The following ZNF678 variants were observed in gnomAD, a reference collection of about 807,000 sequenced individuals.
ZNF678 encodes the protein hypothetical protein MGC42493.
Under a neutral mutation model 3.0 loss-of-function variants are expected in ZNF678, and 5 were observed. The ratio of observed to expected loss-of-function variants is 1.69; its 90% confidence interval spans 0.88 to 3.56. The LOEUF (loss-of-function observed/expected upper bound fraction) is 3.56. ZNF678 is among the 30% of genes most tolerant of loss of function. ZNF678 has a pLI of 0.00. For synonymous variants in ZNF678, 218 were observed against 199.6 expected, an observed-to-expected ratio of 1.09 and a Z score of -0.78; for missense variants, 593 against 605.0, an observed-to-expected ratio of 0.98 and a Z score of 0.21.
intron 1 of ZNF678, among the ~76,000 whole-genome samples, chr1:227,569,059 A>G (rs1656769847): frequency 6.6e-6 from 1 of 152,208 alleles, no homozygotes; most frequent in African/African-American, 2.4e-5. Flanking sequence ...GAGTGCAATC[A>G]TAGCTAACTG....
chr1:227,610,153 T>G (rs910401369), intron 1 of ZNF678, among the ~76,000 whole-genome samples: 13 of 152,298 alleles, frequency 8.5e-5, no homozygotes, highest in African/African-American at 3.1e-4. Context: ...TTATTCTACT[T>G]TTTCAAATGG....
chr1:227,583,980 G>GCCCAAGACC (rs1476120781), intron 1 of ZNF678, among the ~76,000 whole-genome samples: 9 of 152,184 alleles, frequency 5.9e-5, no homozygotes, highest in African/African-American at 2.2e-4. Flanking sequence ...TCATATATCT[G>GCCCAAGACC]TTGCTGCCCA....
Position 227,654,347 on chromosome 1 carries a change from T to C in ZNF678, c.97T>C (p.Tyr33His). ...YKLVYTAILS[Y>H]SIQDLLPEQD... ...TTTATTTCTTTCAGCTATTTTATCT[T>C]ATTCCATTCAAGACCTTTTGCCAGA... Residue 33 changes from tyrosine to histidine, a missense_variant, in exon 4 of 4, where the codon TAT becomes CAT. Transcript: ENST00000343776. The C allele has an allele frequency of 6.5e-7, 1 of 1,544,444 alleles. No homozygotes were observed. Among genetic ancestry groups the C allele is most frequent in the Non-Finnish European group, 8.7e-7 (1 of 1,151,254 alleles).
At chr1:227,598,700 A>G (rs942657754) in intron 1 of ZNF678, 26 of 522,838 alleles carry the variant, frequency 5.0e-5, no homozygotes, top group African/African-American at 3.5e-4. Context: ...TTTTTAAACT[A>G]TCCTTACTGT....
chr1:227,666,348 C>A (rs1216136687), downstream of ZNF678, among the ~76,000 whole-genome samples: 1 of 152,116 alleles, frequency 6.6e-6, no homozygotes, highest in East Asian at 1.9e-4. Context: ...ACTAAAGGCC[C>A]CATCCTGGCT....
intron 1 of ZNF678, among the ~76,000 whole-genome samples, chr1:227,610,236 A>G (rs1657982897): frequency 1.3e-5 from 2 of 152,226 alleles, no homozygotes; most frequent in Admixed American, 1.3e-4. Context: ...GAATATTTCC[A>G]GCCCCTATCA....
intron 1 of ZNF678, among the ~76,000 whole-genome samples, chr1:227,639,477 G>T (rs1339022692): frequency 6.6e-6 from 1 of 152,252 alleles, no homozygotes; most frequent in Non-Finnish European, 1.5e-5. Context: ...ATTGGGAGAT[G>T]AACCGAAGGT....
At chr1:227,635,307 C>A (rs536698061) in intron 1 of ZNF678, among the ~76,000 whole-genome samples, 1 of 152,260 alleles carries the variant, frequency 6.6e-6, no homozygotes, top group Non-Finnish European at 1.5e-5. Flanking sequence ...ATACCAATAG[C>A]AAAAGGTAGA....
chr1:227,624,513 A>G (rs903404382), intron 1 of ZNF678, among the ~76,000 whole-genome samples: 7 of 152,132 alleles, frequency 4.6e-5, no homozygotes, highest in Admixed American at 3.9e-4. Context: ...TGCACTGCAG[A>G]TGTTACCGGC....
rs555612080 is a variant in ZNF678, at chr1:227,638,548, C to T, written c.-163-7996C>T. Among the ~76,000 whole-genome samples the T allele has an allele frequency of 4.5e-4, 69 of 152,010 alleles. No individual in the cohort carries two copies. The highest frequency in any genetic ancestry group is 1.6e-3 in the African/African-American group (66 of 41,438). ...ATGCAGACGGTGGTGTGGTGTTTTG[C>T]GCCTAAACAGCGGGGTTGACTACAG... is the stretch of plus-strand genomic sequence containing the variant. On this transcript the variant is annotated intron_variant, in intron 1 of 3. Transcript: ENST00000343776. This position sits in a 1 kb window ranked among gnomAD's most constrained non-coding sequence, Gnocchi z 4.2.
chr1:227,649,357 G>T (rs1369233743), intron 2 of ZNF678, among the ~76,000 whole-genome samples: 1 of 152,224 alleles, frequency 6.6e-6, no homozygotes, highest in African/African-American at 2.4e-5. Flanking sequence ...ATTGTGTGCT[G>T]TGTTGTGTTT....
intron 1 of ZNF678, among the ~76,000 whole-genome samples, chr1:227,595,155 G>GTTTTTTTTTTTTT (rs34323136): frequency 6.7e-6 from 1 of 148,180 alleles, no homozygotes; most frequent in Non-Finnish European, 1.5e-5. Flanking sequence ...AAGGTACGCT[G>GTTTTTTTTTTTTT]TTTTTTTTTT....
intron 1 of ZNF678, among the ~76,000 whole-genome samples, chr1:227,600,391 G>A (rs578215520): frequency 2.0e-5 from 3 of 152,166 alleles, no homozygotes; most frequent in Non-Finnish European, 2.9e-5. Context: ...ACCACACTGT[G>A]TTCCACAATG....
At chr1:227,626,461 A>C (rs777310735) in intron 1 of ZNF678, among the ~76,000 whole-genome samples, 1 of 152,128 alleles carries the variant, frequency 6.6e-6, no homozygotes, top group Non-Finnish European at 1.5e-5. Flanking sequence ...ACCAGGTTGG[A>C]ATAATTCCTT....
intron 1 of ZNF678, among the ~76,000 whole-genome samples, chr1:227,587,758 T>C (rs1221227716): frequency 1.3e-5 from 2 of 151,868 alleles, no homozygotes; most frequent in Non-Finnish European, 2.9e-5. Context: ...CATGCCTTCT[T>C]ATCTGGAACA....
intron 1 of ZNF678, among the ~76,000 whole-genome samples, chr1:227,604,390 A>G (rs953081730): frequency 1.3e-5 from 2 of 152,158 alleles, no homozygotes; most frequent in Non-Finnish European, 2.9e-5. Context: ...TATCTCCCTG[A>G]GGGTTATTTT....
At position 227,610,983 on chromosome 1, in the gene ZNF678, G is replaced by A. The variant is rs115930087; in HGVS notation, c.-163-35561G>A. Among the ~76,000 whole-genome samples, 801 of 152,294 alleles carry A rather than the reference G, an allele frequency of 5.3e-3. 8 individuals carry two copies. Among genetic ancestry groups the A allele is most frequent in the African/African-American group, 0.019 (773 of 41,570 alleles). ...CTTAAATCTCCTTACATCAGACATT[G>A]TCACCATCTTGGAAGAAGTTCAGAA... On this transcript the variant is annotated intron_variant, in intron 1 of 3. Transcript: ENST00000343776.
intron 1 of ZNF678, among the ~76,000 whole-genome samples, chr1:227,566,443 T>G (rs1656687011): frequency 6.6e-6 from 1 of 152,130 alleles, no homozygotes; most frequent in African/African-American, 2.4e-5. Flanking sequence ...AGTGAGCTGG[T>G]GCGAGAACAT....
At position 227,651,039 on chromosome 1, in the gene ZNF678, A is replaced by G. The variant is rs79916554; in HGVS notation, c.48A>G (p.Ala16=). 2 of 1,613,766 alleles carry G rather than the reference A, an allele frequency of 1.2e-6. No individual in the cohort carries two copies. Among genetic ancestry groups the G allele is most frequent in the East Asian group, 2.2e-5 (1 of 44,876 alleles). ...LCIGVCAFEG[A]NTSTSFYKLV... is the part of the protein sequence containing the mutation. Reference sequence around the variant, plus strand: ...TTGGTGTCTGTGCATTTGAAGGAGCAAACACCTCTACCAGTTTTTATAAAC... The same window carrying G: ...TTGGTGTCTGTGCATTTGAAGGAGCGAACACCTCTACCAGTTTTTATAAAC... Residue 16 remains alanine (A), a synonymous_variant, in exon 3 of 4, where the codon GCA becomes GCG. Coordinates refer to ENST00000343776, the MANE Select transcript of ZNF678 (RefSeq NM_001367909.1).
Sources: allele counts gnomAD v4.1 joint callset (sites outside exome capture counted in the v4.1 genomes callset), GRCh38; gene constraint gnomAD v4.1.1; non-coding constraint Gnocchi (gnomAD v3.1); transcripts MANE v1.5; gene names NCBI Gene and HGNC (gene_info 2026-07-23, HGNC 2026-07-21).